Variants in ROBO2 observed in about 807,000 individuals in gnomAD.
The protein encoded by ROBO2 is roundabout guidance receptor 2.
Under a neutral mutation model 160.8 loss-of-function variants are expected in ROBO2, and 53 were observed. The ratio of observed to expected loss-of-function variants is 0.33; its 90% CI spans 0.26 to 0.41. The LOEUF (loss-of-function observed/expected upper bound fraction) is 0.41, where lower values mean the gene tolerates loss of function less well. Ranked by LOEUF, ROBO2 falls within the 10% of genes least tolerant of loss-of-function variation. The pLI is 1.00. For missense variants in ROBO2, 1,577 were observed against 1,722.4 expected, an observed-to-expected ratio of 0.92 and a Z score of 1.49; for synonymous variants, 664 against 611.7, an observed-to-expected ratio of 1.09 and a Z score of -1.26.
chr3:76,995,564 C>A (rs1260876342), intron 2 of ROBO2, among the ~76,000 whole-genome samples: 2 of 152,126 alleles, frequency 1.3e-5, no homozygotes, highest in East Asian at 3.9e-4. Flanking sequence ...TACAGTCCCA[C>A]CAACAGTGTA....
chr3:77,545,089 C>A (rs2092645281), intron 6 of ROBO2, among the ~76,000 whole-genome samples: 1 of 152,088 alleles, frequency 6.6e-6, no homozygotes, highest in African/African-American at 2.4e-5. Flanking sequence ...CCCAGCCAGA[C>A]TTCTTGTTTT....
In ROBO2 at chr3:77,198,666, C is replaced by T. The variant is rs144961687; in HGVS notation, c.388+100326C>T. 2.0e-4 allele frequency among the ~76,000 whole-genome samples: 31 copies of T among 152,150 alleles called. No homozygotes were observed. In the East Asian group the frequency reaches 5.2e-3, roughly 26 times the overall value. The stretch of plus-strand genomic sequence containing the variant: ...CCGTAATCCCAGCAGTTTGGGAGGC[C>T]CAGGTGGGCGGATCATCTGAGGTCA... On this transcript the variant is annotated intron_variant, in intron 2 of 25. Transcript: ENST00000461745.
chr3:77,224,871 A>G (rs2086287844), intron 2 of ROBO2, among the ~76,000 whole-genome samples: 1 of 151,840 alleles, frequency 6.6e-6, no homozygotes, highest in Non-Finnish European at 1.5e-5. Context: ...GACCGCTGAT[A>G]GTGGATGATA....
At chr3:76,703,413 C>T (rs1211001888) in intron 2 of ROBO2, among the ~76,000 whole-genome samples, 1 of 152,054 alleles carries the variant, frequency 6.6e-6, no homozygotes, top group African/African-American at 2.4e-5. Flanking sequence ...ATGTGCAGAA[C>T]GTGCAGGTTT....
intron 2 of ROBO2, among the ~76,000 whole-genome samples, chr3:76,199,854 A>AT (rs1049024558): frequency 6.6e-6 from 1 of 151,888 alleles, no homozygotes; most frequent in Non-Finnish European, 1.5e-5. Context: ...TAAACCTTCC[A>AT]TTTTTTCTAC....
chr3:76,816,594 C>T (rs908441603), intron 2 of ROBO2, among the ~76,000 whole-genome samples: 1 of 151,812 alleles, frequency 6.6e-6, no homozygotes, highest in Admixed American at 6.6e-5. Flanking sequence ...TGCTCTAATG[C>T]CAACCATTAG....
intron 2 of ROBO2, among the ~76,000 whole-genome samples, chr3:76,693,272 C>CTA (rs199864742): frequency 0.041 from 4,663 of 113,090 alleles, 226 homozygotes; most frequent in African/African-American, 0.14. Context: ...ATGTCTCTCT[C>CTA]TCTATATATA....
At chr3:76,741,897 CT>C (rs1353927495) in intron 2 of ROBO2, among the ~76,000 whole-genome samples, 2 of 151,912 alleles carry the variant, frequency 1.3e-5, no homozygotes, top group African/African-American at 2.4e-5. Flanking sequence ...AAATGGCCTT[CT>C]TTTTATGCCC....
chr3:76,223,132 C>A (rs528647462), intron 2 of ROBO2, among the ~76,000 whole-genome samples: 10 of 151,690 alleles, frequency 6.6e-5, no homozygotes, highest in South Asian at 2.1e-4. Context: ...AACTCTAGTT[C>A]TTTTGGAGTA....
At chr3:76,611,985 T>C (rs1382543907) in intron 2 of ROBO2, among the ~76,000 whole-genome samples, 1 of 152,238 alleles carries the variant, frequency 6.6e-6, no homozygotes, top group Non-Finnish European at 1.5e-5. Context: ...TCAAAAAATT[T>C]CCTAATTTCC....
chr3:77,207,076 T>G (rs1013377025), intron 2 of ROBO2, among the ~76,000 whole-genome samples: 4 of 152,230 alleles, frequency 2.6e-5, no homozygotes, highest in Non-Finnish European at 4.4e-5. Context: ...AACAATCGTA[T>G]GCAAATATGG....
In ROBO2 at chr3:77,272,348, C is replaced by G. The variant is rs139197986; in HGVS notation, c.388+174008C>G. 2.4e-4 allele frequency among the ~76,000 whole-genome samples: 36 copies of G among 152,134 alleles called. No homozygotes were observed. In the East Asian group the frequency reaches 7.0e-3, roughly 30 times the overall value. On this transcript the variant is annotated intron_variant, in intron 2 of 25. Coordinates refer to ENST00000461745, the Ensembl canonical transcript of ROBO2. ...GGCTGAGGAGGCCTCAGGAAACTTA[C>G]AGTCGTGGCAGAAGGTGAAGGGGAA...
intron 2 of ROBO2, among the ~76,000 whole-genome samples, chr3:76,011,470 G>T (rs1174086010): frequency 6.6e-6 from 1 of 152,070 alleles, no homozygotes; most frequent in Non-Finnish European, 1.5e-5. Flanking sequence ...ATGGGAATCC[G>T]GCCACATCCC....
intron 2 of ROBO2, among the ~76,000 whole-genome samples, chr3:76,797,421 T>C (rs773111504): frequency 5.9e-5 from 9 of 151,956 alleles, no homozygotes; most frequent in Non-Finnish European, 1.3e-4. Context: ...CCAAAACCTA[T>C]GGCATACAGC....
chr3:77,386,995 G>A (rs2074188102), intron 2 of ROBO2, among the ~76,000 whole-genome samples: 1 of 151,912 alleles, frequency 6.6e-6, no homozygotes, highest in Non-Finnish European at 1.5e-5. Context: ...ATGAAAATGA[G>A]AGAAAAAGAA....
intron 8 of ROBO2, among the ~76,000 whole-genome samples, chr3:77,552,443 A>G (rs1277454103): frequency 6.6e-6 from 1 of 152,038 alleles, no homozygotes; most frequent in Non-Finnish European, 1.5e-5. Flanking sequence ...GTTATCGTTC[A>G]TAAAACAGGT....
intron 2 of ROBO2, among the ~76,000 whole-genome samples, chr3:76,129,535 C>T (rs1267610165): frequency 3.3e-5 from 5 of 152,106 alleles, no homozygotes; most frequent in Non-Finnish European, 7.4e-5. Flanking sequence ...CCATATGTAA[C>T]TCTACACTTA....
intron 2 of ROBO2, among the ~76,000 whole-genome samples, chr3:76,571,767 A>G (rs1341103842): frequency 6.6e-6 from 1 of 152,148 alleles, no homozygotes; most frequent in African/African-American, 2.4e-5. Flanking sequence ...CATTTTATGT[A>G]CAGGAAAAAA....
At chr3:76,715,732 G>A (rs1418831907) in intron 2 of ROBO2, among the ~76,000 whole-genome samples, 1 of 152,124 alleles carries the variant, frequency 6.6e-6, no homozygotes, top group Non-Finnish European at 1.5e-5. Context: ...AGAACATTTA[G>A]CCATTTCAAT....
Sources: allele counts gnomAD v4.1 joint callset (sites outside exome capture counted in the v4.1 genomes callset), GRCh38; gene constraint gnomAD v4.1.1; transcripts MANE v1.5; gene names NCBI Gene and HGNC (gene_info 2026-07-23, HGNC 2026-07-21).